The following ARSB variants were observed in gnomAD, a reference collection of about 807,000 sequenced individuals.
ARSB encodes arylsulfatase B, also known as N-acetylgalactosamine-4-sulfatase.
Under a neutral mutation model 50.9 loss-of-function variants are expected in ARSB, and 41 were observed. The observed-to-expected ratio is 0.81, with a 90% CI of 0.63 to 1.04. ARSB has a LOEUF of 1.04. Among genes scored for constraint, ARSB ranks in the 50% least tolerant of loss-of-function variants. The pLI is 0.00. For synonymous variants in ARSB, 269 were observed against 284.8 expected (o/e 0.94, Z 0.56); for missense variants, 672 against 693.3 (o/e 0.97, Z 0.35).
At chr5:78,851,608 G>A (rs969325635) in intron 5 of ARSB, among the ~76,000 whole-genome samples, 1 of 152,014 alleles carries the variant, frequency 6.6e-6, no homozygotes, top group East Asian at 1.9e-4. Flanking sequence ...CAATTCCTGG[G>A]TATCTTTGTT....
At chr5:78,869,986 C>T (rs368431916) in intron 5 of ARSB, among the ~76,000 whole-genome samples, 36,846 of 144,434 alleles carry the variant, frequency 0.26, 5,920 homozygotes, top group African/African-American at 0.49. Context: ...GGGGATATCA[C>T]CACCGATCCC....
intron 4 of ARSB, among the ~76,000 whole-genome samples, chr5:78,945,892 C>T (rs1751206587): frequency 6.6e-6 from 1 of 152,198 alleles, no homozygotes; most frequent in Admixed American, 6.5e-5. Flanking sequence ...GAAAGCCTCC[C>T]CACACCCTGG....
intron 5 of ARSB, among the ~76,000 whole-genome samples, chr5:78,857,586 C>T (rs1746215424): frequency 6.6e-6 from 1 of 152,090 alleles, no homozygotes; most frequent in African/African-American, 2.4e-5. Context: ...ACAGCAAATA[C>T]TTGGGCTCCA....
At chr5:78,948,469 A>T (rs1751351168) in intron 4 of ARSB, among the ~76,000 whole-genome samples, 1 of 152,170 alleles carries the variant, frequency 6.6e-6, no homozygotes, top group African/African-American at 2.4e-5. Context: ...TAAAAAAACA[A>T]ACCCAGAATA....
chr5:78,817,525 T>C (rs186018562), intron 6 of ARSB, among the ~76,000 whole-genome samples: 7 of 152,272 alleles, frequency 4.6e-5, no homozygotes, highest in South Asian at 2.1e-4. Flanking sequence ...AGATCTCTGA[T>C]AGGCCGGGCG....
chr5:78,932,803 A>G (rs182501898), intron 4 of ARSB, among the ~76,000 whole-genome samples: 15 of 152,320 alleles, frequency 9.8e-5, no homozygotes, highest in African/African-American at 3.4e-4. Flanking sequence ...TACTGTCATA[A>G]TCATTCTCCA....
rs184152359 is a variant in ARSB, at chr5:78,979,745, G to A, written c.312+5192C>T. Among the ~76,000 whole-genome samples the A allele has an allele frequency of 3.9e-4, 60 of 152,256 alleles. 1 individual carries two copies. The highest frequency in any genetic ancestry group is 1.2e-3 in the Admixed American group (18 of 15,288). ...CCATGGGACAGACAAGGACCTCATC[G>A]TTAGCTGAACTAAGGAGAAGTCCTG... On this transcript the variant is annotated intron_variant, in intron 1 of 7. Transcript: ENST00000264914.
intron 1 of ARSB, among the ~76,000 whole-genome samples, chr5:78,972,837 G>C (rs1752517048): frequency 6.6e-6 from 1 of 152,236 alleles, no homozygotes; most frequent in Admixed American, 6.5e-5. Flanking sequence ...CACCAAGCCA[G>C]GTGGTCAGCT....
rs1437747233 is a variant in ARSB at position 78,868,102 on chromosome 5, C to A, written c.1142+17482G>T. On this transcript the variant is annotated intron_variant, in intron 5 of 7. Coordinates refer to ENST00000264914, the MANE Select transcript of ARSB (RefSeq NM_000046.5). The stretch of plus-strand genomic sequence containing the variant: ...ATGAATGAAATGAAGCAAGAAGGGA[C>A]GTTTAGAGAAAAAAGAATAAAAAGA... Among the ~76,000 whole-genome samples, 8 of 145,614 alleles carry A rather than the reference C, an allele frequency of 5.5e-5. No individual in the cohort carries two copies. In the East Asian group the frequency reaches 9.9e-4, roughly 18 times the overall value.
intron 5 of ARSB, among the ~76,000 whole-genome samples, chr5:78,843,533 C>T (rs957203320): frequency 6.6e-6 from 1 of 152,170 alleles, no homozygotes; most frequent in Non-Finnish European, 1.5e-5. Flanking sequence ...TTTATAAAAG[C>T]ACCCAAACTT....
In ARSB at chr5:78,780,640, T is replaced by A; in HGVS notation, c.1359A>T (p.Pro453=). 6.2e-7 allele frequency: 1 copy of A among 1,614,010 alleles called. No individual in the cohort carries two copies. The highest frequency in any genetic ancestry group is 1.1e-5 in the South Asian group (1 of 91,066). Reference sequence around the variant, plus strand: ...TCTCAGAAACATTGTATTGAGACGGTGGAGGGAACCAGTAACCACAGCCTA... The same window carrying A: ...TCTCAGAAACATTGTATTGAGACGGAGGAGGGAACCAGTAACCACAGCCTA... ...GYPGCGYWFP[P]PSQYNVSEIP... Residue 453 remains proline, a synonymous_variant, in exon 8 of 8, where the codon CCA becomes CCT. Transcript: ENST00000264914.
At chr5:78,895,356 A>G (rs1247011951) in intron 4 of ARSB, among the ~76,000 whole-genome samples, 2 of 152,222 alleles carry the variant, frequency 1.3e-5, no homozygotes, top group Non-Finnish European at 2.9e-5. Context: ...CGTATATTGA[A>G]GACACCACTG....
chr5:78,866,552 G>T (rs1746751430), intron 5 of ARSB, among the ~76,000 whole-genome samples: 1 of 152,206 alleles, frequency 6.6e-6, no homozygotes, highest in Non-Finnish European at 1.5e-5. Context: ...GTTGATAGAG[G>T]TCTCATACCT....
At chr5:78,912,988 G>A in intron 4 of ARSB, among the ~76,000 whole-genome samples, 1 of 152,148 alleles carries the variant, frequency 6.6e-6, no homozygotes, top group South Asian at 2.1e-4. Context: ...CTAGGAGATA[G>A]GGCTCATTAA....
chr5:78,835,679 C>T (rs1744918828), intron 6 of ARSB, among the ~76,000 whole-genome samples: 1 of 152,188 alleles, frequency 6.6e-6, no homozygotes, highest in South Asian at 2.1e-4. Flanking sequence ...TCAATGGACA[C>T]ACTCCTTCTA....
At chr5:78,837,590 A>G (rs1442059496) in intron 6 of ARSB, among the ~76,000 whole-genome samples, 1 of 152,234 alleles carries the variant, frequency 6.6e-6, no homozygotes, top group African/African-American at 2.4e-5. Flanking sequence ...TCTATTAGCC[A>G]CATTAAGAAA....
In ARSB at chr5:78,984,933, G is replaced by A. The variant is rs770927433; in HGVS notation, c.312+4C>T. The A allele has an allele frequency of 2.6e-5, 36 of 1,377,118 alleles. No individual in the cohort carries two copies. In the African/African-American group the frequency reaches 4.9e-4, roughly 19 times the overall value. 85.3% of individuals were successfully genotyped at this position (1,377,118 alleles called of 1,614,324 possible). On this transcript the variant is annotated splice_donor_region_variant and intron_variant, in intron 1 of 7. Transcript: ENST00000264914. ...GCGGCGCGGGCGGCGGGGGCGCCGC[G>A]TACCTGGTAGCGGCCAGTGAGCAGC...
chr5:78,880,438 T>G (rs1165724865), intron 5 of ARSB, among the ~76,000 whole-genome samples: 2 of 152,182 alleles, frequency 1.3e-5, no homozygotes, highest in Non-Finnish European at 2.9e-5. Context: ...CACATGCTAT[T>G]ATGTCCTTAT....
chr5:78,952,792 T>C (rs1488488757), intron 4 of ARSB, among the ~76,000 whole-genome samples: 1 of 152,264 alleles, frequency 6.6e-6, no homozygotes, highest in Non-Finnish European at 1.5e-5. Context: ...AAATCATTTG[T>C]CCTGAAATTG....
Sources: gnomAD v4.1 joint callset for allele counts (sites outside exome capture counted in the v4.1 genomes callset) on GRCh38, gnomAD v4.1.1 for gene constraint, MANE v1.5 for transcripts, NCBI Gene and HGNC (gene_info 2026-07-23, HGNC 2026-07-21) for gene names.